The following RBFOX1 variants were observed in gnomAD, a reference collection of about 807,000 sequenced individuals.
RBFOX1 encodes RNA binding protein fox-1 homolog 1.
RBFOX1 carries 8 observed loss-of-function variants against 57.7 expected under a neutral mutation model. The observed-to-expected ratio is 0.14, with a 90% CI of 0.08 to 0.25. RBFOX1 has a LOEUF of 0.25. Among genes scored for constraint, RBFOX1 ranks in the 10% least tolerant of loss-of-function variants. The pLI, the probability that RBFOX1 is intolerant of heterozygous loss-of-function variation, is 1.00. For missense variants in RBFOX1, 611 were observed against 548.5 expected, an observed-to-expected ratio of 1.11 and a Z score of -1.14; for synonymous variants, 326 against 222.4, an observed-to-expected ratio of 1.47 and a Z score of -4.15.
intron 4 of RBFOX1, among the ~76,000 whole-genome samples, chr16:7,256,020 C>A (rs1425151714): frequency 6.6e-6 from 1 of 152,082 alleles, no homozygotes; most frequent in Non-Finnish European, 1.5e-5. Context: ...TTTGCATTTC[C>A]CAAATTTCCA....
chr16:5,425,446 G>A (rs561858189), intron 1 of RBFOX1, among the ~76,000 whole-genome samples: 1 of 152,204 alleles, frequency 6.6e-6, no homozygotes, highest in African/African-American at 2.4e-5. Flanking sequence ...CGTACTGGAT[G>A]ATGGAGATCT....
chr16:6,888,616 G>T (rs1377169969), intron 3 of RBFOX1, among the ~76,000 whole-genome samples: 1 of 151,928 alleles, frequency 6.6e-6, no homozygotes, highest in African/African-American at 2.4e-5. Context: ...AGGTCTTTTG[G>T]TTCATCAGGC....
chr16:5,773,314 TA>T (rs1781698260), intron 3 of RBFOX1, among the ~76,000 whole-genome samples: 3 of 152,324 alleles, frequency 2.0e-5, no homozygotes, highest in Non-Finnish European at 2.9e-5. Context: ...CAGTGGTAAG[TA>T]TCATTAACAT....
At chr16:7,454,557 C>T (rs1468804635) in intron 4 of RBFOX1, among the ~76,000 whole-genome samples, 1 of 152,140 alleles carries the variant, frequency 6.6e-6, no homozygotes, top group African/African-American at 2.4e-5. Flanking sequence ...ACTGAAGCCA[C>T]CTGTTGGGTT....
chr16:7,023,168 G>T (rs1035847193), intron 3 of RBFOX1, among the ~76,000 whole-genome samples: 1 of 152,034 alleles, frequency 6.6e-6, no homozygotes, highest in Non-Finnish European at 1.5e-5. Flanking sequence ...CAGAAGGAGG[G>T]AGGTAATGAC....
intron 3 of RBFOX1, among the ~76,000 whole-genome samples, chr16:6,755,621 C>G (rs569694301): frequency 2.6e-5 from 4 of 152,272 alleles, no homozygotes; most frequent in African/African-American, 9.6e-5. Flanking sequence ...AGAACTGTGG[C>G]TCTTTTAACT....
chr16:7,129,297 T>A (rs544277318), intron 4 of RBFOX1, among the ~76,000 whole-genome samples: 1 of 152,194 alleles, frequency 6.6e-6, no homozygotes, highest in African/African-American at 2.4e-5. Context: ...ACAAAGTGTT[T>A]CATCGGTTTG....
At chr16:5,277,065 G>C (rs569392837) in intron 1 of RBFOX1, among the ~76,000 whole-genome samples, 1 of 152,004 alleles carries the variant, frequency 6.6e-6, no homozygotes, top group South Asian at 2.1e-4. Flanking sequence ...GTCAATTAGT[G>C]GATAAAGAAA....
intron 10 of RBFOX1, among the ~76,000 whole-genome samples, chr16:7,609,376 G>C (rs765962448): frequency 6.6e-6 from 1 of 152,144 alleles, no homozygotes; most frequent in Non-Finnish European, 1.5e-5. Context: ...CGTTACTTGT[G>C]CTTTCGTAGC....
chr16:6,980,139 C>T (rs576064095), intron 3 of RBFOX1, among the ~76,000 whole-genome samples: 4 of 152,134 alleles, frequency 2.6e-5, no homozygotes, highest in Admixed American at 6.5e-5. Context: ...ACCTGAGAAC[C>T]TTAATCCCTC....
intron 3 of RBFOX1, among the ~76,000 whole-genome samples, chr16:5,668,602 G>A (rs11645964): frequency 0.6 from 91,078 of 152,022 alleles, 29,043 homozygotes; most frequent in Non-Finnish European, 0.72. Flanking sequence ...AAGGCTTTGG[G>A]GGAAGTGACA....
chr16:5,690,965 A>G (rs532153338), intron 3 of RBFOX1, among the ~76,000 whole-genome samples: 1 of 152,260 alleles, frequency 6.6e-6, no homozygotes, highest in South Asian at 2.1e-4. Context: ...CATATTTCCC[A>G]AGAAGGGAGA....
At chr16:6,518,418 A>C (rs996306164) in intron 2 of RBFOX1, among the ~76,000 whole-genome samples, 2 of 152,174 alleles carry the variant, frequency 1.3e-5, no homozygotes, top group African/African-American at 4.8e-5. Context: ...TGCACCAATC[A>C]GGGGCCAGGT....
chr16:7,268,090 G>C (rs1047249669), intron 4 of RBFOX1, among the ~76,000 whole-genome samples: 1 of 152,194 alleles, frequency 6.6e-6, no homozygotes, highest in East Asian at 1.9e-4. Context: ...TAGCAGGTTA[G>C]TGTGCTGAAT....
At chr16:6,998,181 G>A (rs1483653293) in intron 3 of RBFOX1, among the ~76,000 whole-genome samples, 5 of 152,116 alleles carry the variant, frequency 3.3e-5, no homozygotes, top group Non-Finnish European at 5.9e-5. Context: ...AGCCAAAGCA[G>A]TACATTTGGT....
At chr16:7,514,765 A>T (rs2075982369) in intron 4 of RBFOX1, among the ~76,000 whole-genome samples, 1 of 152,106 alleles carries the variant, frequency 6.6e-6, no homozygotes, top group Non-Finnish European at 1.5e-5. Flanking sequence ...GGAAGGCATG[A>T]CCCTTCTCTC....
intron 2 of RBFOX1, among the ~76,000 whole-genome samples, chr16:6,365,101 A>AG (rs888972744): frequency 6.6e-6 from 1 of 151,854 alleles, no homozygotes; most frequent in African/African-American, 2.4e-5. Flanking sequence ...CCTTAAAAAA[A>AG]AGGTTTTGAT....
At chr16:6,284,761 T>C (rs2076729158) in intron 1 of RBFOX1, among the ~76,000 whole-genome samples, 1 of 152,172 alleles carries the variant, frequency 6.6e-6, no homozygotes, top group Non-Finnish European at 1.5e-5. Context: ...TTTTCCCTTC[T>C]CAGTCATTGG....
intron 3 of RBFOX1, among the ~76,000 whole-genome samples, chr16:6,840,899 A>T (rs1028341108): frequency 6.6e-6 from 1 of 151,054 alleles, no homozygotes; most frequent in Non-Finnish European, 1.5e-5. Flanking sequence ...AAAAAAAAAA[A>T]AAAAACGAAA....
Sources: allele counts gnomAD v4.1 joint callset (sites outside exome capture counted in the v4.1 genomes callset), GRCh38; gene constraint gnomAD v4.1.1; transcripts MANE v1.5; gene names NCBI Gene and HGNC (gene_info 2026-07-23, HGNC 2026-07-21).